The following FHOD3 variants were observed in gnomAD, a reference collection of about 807,000 sequenced individuals.
FHOD3 encodes the protein formin homology 2 domain containing 3, also known as FH1/FH2 domain-containing protein 3.
A neutral mutation model predicts 173.0 loss-of-function variants in FHOD3; 90 were observed. The ratio of observed to expected loss-of-function variants is 0.52; its 90% CI spans 0.44 to 0.62. The LOEUF (loss-of-function observed/expected upper bound fraction) is 0.62. Ranked by LOEUF, FHOD3 falls within the 20% of genes least tolerant of loss-of-function variation. The pLI is 0.00. For synonymous variants in FHOD3, 828 were observed against 823.0 expected, an observed-to-expected ratio of 1.01 and a Z score of -0.10; for missense variants, 1,945 against 2,034.7, an observed-to-expected ratio of 0.96 and a Z score of 0.85.
chr18:36,434,020 G>A (rs1276426797), intron 3 of FHOD3, among the ~76,000 whole-genome samples: 1 of 152,140 alleles, frequency 6.6e-6, no homozygotes, highest in Non-Finnish European at 1.5e-5. Context: ...CTCCCCACCT[G>A]TAGCTTCCAA....
At chr18:36,555,665 A>G (rs1432893716) in intron 5 of FHOD3, among the ~76,000 whole-genome samples, 2 of 152,006 alleles carry the variant, frequency 1.3e-5, no homozygotes, top group Non-Finnish European at 2.9e-5. Context: ...AGGTTTTACT[A>G]TTTCTCCTTT....
chr18:36,695,147 G>A (rs775710239), intron 17 of FHOD3, among the ~76,000 whole-genome samples: 17 of 151,472 alleles, frequency 1.1e-4, no homozygotes, highest in African/African-American at 3.2e-4. Context: ...GTTCAAGACC[G>A]GCCTGACCAA....
chr18:36,430,926 TA>T (rs200686168), intron 3 of FHOD3, among the ~76,000 whole-genome samples: 4 of 151,404 alleles, frequency 2.6e-5, no homozygotes, highest in African/African-American at 7.3e-5. Flanking sequence ...ATGTTTTCAT[TA>T]AAAAAAAATC....
At chr18:36,727,875 A>C (rs1010469154) in intron 19 of FHOD3, among the ~76,000 whole-genome samples, 3 of 152,210 alleles carry the variant, frequency 2.0e-5, no homozygotes, top group Non-Finnish European at 4.4e-5. Context: ...TGTCATCTGC[A>C]TAAAGACTCC....
chr18:36,555,481 A>G (rs1471304370), intron 5 of FHOD3, among the ~76,000 whole-genome samples: 1 of 151,950 alleles, frequency 6.6e-6, no homozygotes, highest in Admixed American at 6.6e-5. Context: ...GTCCATGAGC[A>G]CTTGAGTAGA....
intron 1 of FHOD3, among the ~76,000 whole-genome samples, chr18:36,328,975 G>A (rs117651761): frequency 0.012 from 1,873 of 152,316 alleles, 22 homozygotes; most frequent in Middle Eastern, 0.027. Flanking sequence ...ATACAGTGGG[G>A]AGTGAGCAAG....
Position 36,582,443 on chromosome 18 carries a change from G to A in FHOD3, c.606+5898G>A, listed in dbSNP as rs146884332. Among the ~76,000 whole-genome samples, 51 of 152,358 alleles carry A rather than the reference G, an allele frequency of 3.3e-4. No homozygotes were observed. The East Asian group carries it at 9.2e-3, about 28-fold the overall frequency. On this transcript the variant is annotated intron_variant, in intron 6 of 28. Coordinates refer to ENST00000590592, the MANE Select transcript of FHOD3 (RefSeq NM_001281740.3). ...CATTCCTCATACTTCTAGATGCAGA[G>A]GGATCATCAAATCATTTGCCTAGGT...
In FHOD3 at chr18:36,625,628, C is replaced by A. The variant is rs145926464; in HGVS notation, c.1075C>A (p.Arg359Ser). The change falls in exon 10 of 29, where the codon CGC becomes AGC. Residue 359 changes from arginine (R) to serine (S), a missense_variant. Arg to Ser is a moderately radical substitution (Grantham distance 110). Transcript: ENST00000590592. ...CGGAGGCGAGCACCGGGGCCTGGACCGCAGAAGGAGCCGCAGGCACTCGGT... is the reference window on the plus strand; with the variant it reads ...CGGAGGCGAGCACCGGGGCCTGGACAGCAGAAGGAGCCGCAGGCACTCGGT... ...SGGGEHRGLD[R>S]RRSRRHSVQS... 2 of 1,605,582 alleles carry A rather than the reference C, an allele frequency of 1.2e-6. No individual in the cohort carries two copies. The highest frequency in any genetic ancestry group is 2.2e-5 in the South Asian group (2 of 90,110).
intron 16 of FHOD3, 56 bp from the exon 17 acceptor site, chr18:36,693,153 A>G: frequency 6.6e-7 from 1 of 1,526,460 alleles, no homozygotes; most frequent in Non-Finnish European, 8.9e-7. Flanking sequence ...ATAAACAAGC[A>G]TCAGCCACAG....
rs183658259 is a variant in FHOD3, at chr18:36,487,244, C to T, written c.338-14688C>T. On this transcript the variant is annotated intron_variant, in intron 3 of 28. Transcript: ENST00000590592. Reference sequence around the variant, plus strand: ...ATCAAACTGCTTTCTAGAGAGGTTGCAGCATCTCACATCCCACCAGCAGAG... The same window carrying T: ...ATCAAACTGCTTTCTAGAGAGGTTGTAGCATCTCACATCCCACCAGCAGAG... Among the ~76,000 whole-genome samples the T allele has an allele frequency of 1.8e-4, 28 of 152,352 alleles. No individual in the cohort carries two copies. In the East Asian group the frequency reaches 5.4e-3, roughly 29 times the overall value.
chr18:36,626,011 A>C lies in FHOD3; in HGVS notation c.1196+262A>C, dbSNP rs75850414. ...TACCTGTTTTTAAAAAATATTATTTACTATCTCAGTTAATATCTGTTCAGA... is the reference window on the plus strand; with the variant it reads ...TACCTGTTTTTAAAAAATATTATTTCCTATCTCAGTTAATATCTGTTCAGA... On this transcript the variant is annotated intron_variant, in intron 10 of 28. Coordinates refer to ENST00000590592, the MANE Select transcript of FHOD3 (RefSeq NM_001281740.3). 3.5e-3 allele frequency among the ~76,000 whole-genome samples: 536 copies of C among 152,242 alleles called. 26 individuals carry two copies. In the East Asian group the frequency reaches 0.095, roughly 27 times the overall value.
At chr18:36,671,803 G>A (rs1457089237) in intron 14 of FHOD3, among the ~76,000 whole-genome samples, 2 of 152,174 alleles carry the variant, frequency 1.3e-5, no homozygotes, top group African/African-American at 2.4e-5. Flanking sequence ...AGAAGCAGGC[G>A]ACAGGGACTG....
chr18:36,389,014 A>T (rs995130990), intron 3 of FHOD3, among the ~76,000 whole-genome samples: 1 of 152,032 alleles, frequency 6.6e-6, no homozygotes, highest in Non-Finnish European at 1.5e-5. Flanking sequence ...TTCTTGCCAA[A>T]TGCAGATGAG....
chr18:36,764,817 C>A, intron 27 of FHOD3, among the ~76,000 whole-genome samples: 1 of 152,120 alleles, frequency 6.6e-6, no homozygotes, highest in East Asian at 1.9e-4. Flanking sequence ...AGCCACCCAC[C>A]TGCTACAACA....
At chr18:36,317,503 G>T (rs560543704) in intron 1 of FHOD3, among the ~76,000 whole-genome samples, 10 of 152,260 alleles carry the variant, frequency 6.6e-5, no homozygotes, top group African/African-American at 2.2e-4. Context: ...TCATATGTCT[G>T]TTGGCTGCAT....
intron 16 of FHOD3, among the ~76,000 whole-genome samples, chr18:36,688,232 T>C (rs1490754296): frequency 6.6e-6 from 1 of 152,246 alleles, no homozygotes; most frequent in Non-Finnish European, 1.5e-5. Context: ...GTGGGGTGAC[T>C]GCATGGAGAG....
At chr18:36,554,295 T>C (rs931725947) in intron 5 of FHOD3, among the ~76,000 whole-genome samples, 1 of 152,202 alleles carries the variant, frequency 6.6e-6, no homozygotes, top group African/African-American at 2.4e-5. Context: ...CACCATGGAA[T>C]ACTATGTAGC....
intron 3 of FHOD3, among the ~76,000 whole-genome samples, chr18:36,452,308 G>A (rs1041604225): frequency 6.6e-6 from 1 of 152,074 alleles, no homozygotes; most frequent in Non-Finnish European, 1.5e-5. Flanking sequence ...CACAAAGCAG[G>A]CCTGTCTGGC....
chr18:36,531,017 T>A (rs979800022), intron 5 of FHOD3, among the ~76,000 whole-genome samples: 1 of 152,196 alleles, frequency 6.6e-6, no homozygotes, highest in Non-Finnish European at 1.5e-5. Flanking sequence ...GTTGAATTAG[T>A]TCAGTGTCCA....
Sources: allele counts gnomAD v4.1 joint callset (sites outside exome capture counted in the v4.1 genomes callset), GRCh38; gene constraint gnomAD v4.1.1; transcripts MANE v1.5; gene names NCBI Gene and HGNC (gene_info 2026-07-23, HGNC 2026-07-21).